XPNPEP1: variants seen among roughly 807,000 people sequenced by gnomAD.
The protein encoded by XPNPEP1 is X-prolyl aminopeptidase 1.
Under a neutral mutation model 92.4 loss-of-function variants are expected in XPNPEP1, and 39 were observed. That is an observed-to-expected ratio of 0.42 (90% CI 0.33 to 0.55). XPNPEP1 has a LOEUF of 0.55. Ranked by LOEUF, XPNPEP1 falls within the 20% of genes least tolerant of loss-of-function variation. The pLI is 0.08. For synonymous variants in XPNPEP1, 307 were observed against 299.4 expected (o/e 1.03, Z -0.26); for missense variants, 654 against 856.1 (o/e 0.76, Z 2.95).
At chr10:109,870,996 C>G (rs1589543596) in intron 17 of XPNPEP1, 92 bp from the exon 18 acceptor site, 2 of 1,433,268 alleles carry the variant, frequency 1.4e-6, no homozygotes, top group East Asian at 4.7e-5. Context: ...AAACAGAAAC[C>G]AATAGGTAAG....
In XPNPEP1 at chr10:109,923,399, C is replaced by G; in HGVS notation, c.32+3G>C. 2 of 1,440,530 alleles carry G rather than the reference C, an allele frequency of 1.4e-6. No homozygotes were observed. Among genetic ancestry groups the G allele is most frequent in the South Asian group, 2.6e-5 (2 of 76,814 alleles). The allele number at this position is 1,440,530 out of a possible 1,614,324, so 89.2% of individuals were successfully genotyped here. The stretch of plus-strand genomic sequence containing the variant: ...ACGCCGGCTGCCGGCGGAGTGCCCT[C>G]ACCTTACTCGCGGTGGCTTTCTGGA... On this transcript the variant is annotated splice_donor_region_variant and intron_variant, in intron 1 of 20. Coordinates refer to ENST00000502935, the MANE Select transcript of XPNPEP1 (RefSeq NM_020383.4).
At chr10:109,880,344 A>G in intron 11 of XPNPEP1, 106 bp from the exon 12 acceptor site, 1 of 1,132,588 alleles carries the variant, frequency 8.8e-7, no homozygotes, top group East Asian at 2.4e-5. Flanking sequence ...CTGCAGGGCC[A>G]CACATCATCA....
chr10:109,869,366 AG>A (rs1346038379), intron 19 of XPNPEP1, among the ~76,000 whole-genome samples: 1 of 152,202 alleles, frequency 6.6e-6, no homozygotes, highest in East Asian at 1.9e-4. Context: ...TAAAGCCTAG[AG>A]CCTAAAACCC....
intron 1 of XPNPEP1, among the ~76,000 whole-genome samples, chr10:109,916,959 G>A (rs1258131832): frequency 6.6e-6 from 1 of 152,110 alleles, no homozygotes; most frequent in Non-Finnish European, 1.5e-5. Context: ...CAAACTAGAA[G>A]AAAAATTCCT....
rs754638455 is a variant in XPNPEP1 at position 109,877,779 on chromosome 10, G to A, written c.1319+11C>T. ...GCAAGGCCAGGCAGCATGCTCCTCCGCATGCCTTACGCGTAGTGAATGATG... is the reference window on the plus strand; with the variant it reads ...GCAAGGCCAGGCAGCATGCTCCTCCACATGCCTTACGCGTAGTGAATGATG... On this transcript the variant is annotated intron_variant, in intron 14 of 20. Coordinates refer to ENST00000502935, the MANE Select transcript of XPNPEP1 (RefSeq NM_020383.4). The A allele has an allele frequency of 6.8e-6, 11 of 1,614,096 alleles. No homozygotes were observed. The highest frequency in any genetic ancestry group is 1.6e-4 in the Middle Eastern group (1 of 6,068).
In XPNPEP1 at chr10:109,880,180, G is replaced by A. The variant is rs868073087; in HGVS notation, c.1182+8C>T. ...TATCCACATATTAAACAAAGACTAAGAACCAACCTCTTTCTCCAGCCAGTT... is the reference window on the plus strand; with the variant it reads ...TATCCACATATTAAACAAAGACTAAAAACCAACCTCTTTCTCCAGCCAGTT... On this transcript the variant is annotated splice_region_variant and intron_variant, in intron 12 of 20. Transcript: ENST00000502935. 6.2e-7 allele frequency: 1 copy of A among 1,613,860 alleles called. No individual in the cohort carries two copies. Among genetic ancestry groups the A allele is most frequent in the Non-Finnish European group, 8.5e-7 (1 of 1,179,948 alleles).
chr10:109,902,813 C>T (rs1157756389), intron 3 of XPNPEP1, among the ~76,000 whole-genome samples: 1 of 152,212 alleles, frequency 6.6e-6, no homozygotes, highest in East Asian at 1.9e-4. Context: ...AGATTAGAGC[C>T]TCAGTTTCCT....
chr10:109,914,581 G>A (rs1418439786), intron 2 of XPNPEP1, among the ~76,000 whole-genome samples: 1 of 152,166 alleles, frequency 6.6e-6, no homozygotes, highest in Non-Finnish European at 1.5e-5. Flanking sequence ...CAGATCACCT[G>A]AGGTCGGGAG....
chr10:109,917,397 AAT>A (rs1480348000), intron 1 of XPNPEP1, among the ~76,000 whole-genome samples: 2 of 152,212 alleles, frequency 1.3e-5, no homozygotes, highest in African/African-American at 4.8e-5. Context: ...AAAAACAAAA[AAT>A]AGTTAGAAAT....
At chr10:109,879,035 G>A (rs969267685) in intron 12 of XPNPEP1, among the ~76,000 whole-genome samples, 2 of 151,710 alleles carry the variant, frequency 1.3e-5, no homozygotes, top group Admixed American at 6.6e-5. Flanking sequence ...AAGGTCAGGA[G>A]ATCGAGACCA....
At chr10:109,912,386 T>G (rs536213099) in intron 2 of XPNPEP1, among the ~76,000 whole-genome samples, 54 of 152,308 alleles carry the variant, frequency 3.5e-4, no homozygotes, top group Admixed American at 7.2e-4. Context: ...GTGAAGAAGA[T>G]AGCAACAGGC....
chr10:109,886,258 C>G lies in XPNPEP1; in HGVS notation c.736G>C (p.Asp246His). The change falls in exon 8 of 21, where the codon GAT becomes CAT. Residue 246 changes from aspartate (D) to histidine (H), a missense_variant. By Grantham distance (81) the Asp-to-His change is moderately conservative. Coordinates refer to ENST00000502935, the MANE Select transcript of XPNPEP1 (RefSeq NM_020383.4). The part of the protein sequence containing the change: ...NVMWFVVTAL[D>H]EIAWLFNLRG... ...CCAGAGCACTCACACGCAATCTCATCCAAGGCAGTGACCACAAACCACATG... is the reference window on the plus strand; with the variant it reads ...CCAGAGCACTCACACGCAATCTCATGCAAGGCAGTGACCACAAACCACATG... 1 of 1,614,172 alleles carries G rather than the reference C, an allele frequency of 6.2e-7. No individual in the cohort carries two copies. The highest frequency in any genetic ancestry group is 8.5e-7 in the Non-Finnish European group (1 of 1,180,018).
At position 109,878,041 on chromosome 10, in the gene XPNPEP1, C is replaced by A; in HGVS notation, c.1200G>T (p.Val400=). 1.2e-6 allele frequency: 2 copies of A among 1,614,222 alleles called. No homozygotes were observed. Among genetic ancestry groups the A allele is most frequent in the South Asian group, 2.2e-5 (2 of 91,072 alleles). The change falls in exon 13 of 21, where the codon GTG becomes GTT. Residue 400 remains valine, a synonymous_variant. Coordinates refer to ENST00000502935, the MANE Select transcript of XPNPEP1 (RefSeq NM_020383.4). ...WLEKEVPKGG[V]TEISAADKAE... is the part of the protein sequence containing the mutation. ...CTTTGTCAGCAGCTGAGATCTCTGT[C>A]ACACCACCTTTGGGAACCTATGAGA... is the stretch of plus-strand genomic sequence containing the variant.
intron 16 of XPNPEP1, 63 bp from the exon 17 acceptor site, chr10:109,871,924 T>C (rs1847507207): frequency 6.6e-7 from 1 of 1,504,340 alleles, no homozygotes; most frequent in Non-Finnish European, 9.0e-7. Flanking sequence ...TGTAGTTTTC[T>C]GGTAGTTCAG....
intron 3 of XPNPEP1, among the ~76,000 whole-genome samples, chr10:109,902,174 C>T (rs1334494875): frequency 6.6e-6 from 1 of 152,218 alleles, no homozygotes; most frequent in Non-Finnish European, 1.5e-5. Flanking sequence ...TCTCATTCAT[C>T]TCCACAACAG....
chr10:109,865,289 G>A lies in XPNPEP1; in HGVS notation c.1896C>T (p.His632=), dbSNP rs1228389351. 1.9e-6 allele frequency: 3 copies of A among 1,614,076 alleles called. No homozygotes were observed. The highest frequency in any genetic ancestry group is 1.7e-5 in the Admixed American group (1 of 60,002). The part of the protein sequence containing the change: ...DKECDWLNNY[H]LTCRDVIGKE... ...TCCCAATCACATCCCTGCAGGTCAG[G>A]TGGTAATTGTTGAGCCAGTCGCACT... The change falls in exon 21 of 21, where the codon CAC becomes CAT. Residue 632 remains histidine (H), a synonymous_variant. Transcript: ENST00000502935.
chr10:109,885,797 G>C (rs563729720), intron 8 of XPNPEP1, among the ~76,000 whole-genome samples: 2 of 152,196 alleles, frequency 1.3e-5, no homozygotes, highest in African/African-American at 2.4e-5. Context: ...TTACATCAAA[G>C]GGCTTGGGGA....
chr10:109,923,478 G>A lies in XPNPEP1; in HGVS notation c.-45C>T, dbSNP rs541795807. 230 of 1,363,714 alleles carry A rather than the reference G, an allele frequency of 1.7e-4. No homozygotes were observed. The African/African-American group carries it at 3.3e-3, about 20-fold the overall frequency. 84.5% of individuals were successfully genotyped at this position (1,363,714 alleles called of 1,614,324 possible). A position where few individuals can be genotyped will look rare whatever the true frequency, so the allele number is the denominator to read the frequency against. On this transcript the variant is annotated 5_prime_UTR_variant, in exon 1 of 21. Coordinates refer to ENST00000502935, the MANE Select transcript of XPNPEP1 (RefSeq NM_020383.4). ...GCCCACGTCAGGGGAGCGCAGACCA[G>A]CTGATCACCCGCGGAAGGGCCGGCG...
chr10:109,878,143 A>C, intron 12 of XPNPEP1, 85 bp from the exon 13 acceptor site: 4 of 1,522,406 alleles, frequency 2.6e-6, no homozygotes, highest in Non-Finnish European at 3.6e-6. Context: ...TTAAAAGCTC[A>C]CTTTTTCCTC....
Sources: allele counts gnomAD v4.1 joint callset (sites outside exome capture counted in the v4.1 genomes callset), GRCh38; gene constraint gnomAD v4.1.1; transcripts MANE v1.5; gene names NCBI Gene and HGNC (gene_info 2026-07-23, HGNC 2026-07-21).